The following APC variants were observed in gnomAD, a reference collection of about 807,000 sequenced individuals.
The protein encoded by APC is APC regulator of Wnt signaling pathway, also known as adenomatous polyposis coli protein.
Under a neutral mutation model 247.0 loss-of-function variants are expected in APC, and 72 were observed. The observed-to-expected ratio is 0.29, with a 90% CI of 0.24 to 0.35. APC has a LOEUF of 0.35. Ranked by LOEUF, APC falls within the 10% of genes least tolerant of loss-of-function variation. The pLI is 1.00. For synonymous variants in APC, 1,254 were observed against 1,162.5 expected (o/e 1.08, Z -1.60); for missense variants, 3,400 against 3,360.7 (o/e 1.01, Z -0.29).
chr5:112,818,679 T>C (rs893405613), intron 9 of APC, among the ~76,000 whole-genome samples: 47 of 152,172 alleles, frequency 3.1e-4, no homozygotes, highest in African/African-American at 1.1e-3. Context: ...CAAACAGCAC[T>C]AACAGTTTGT....
rs180882590 is a variant in APC, at chr5:112,805,471, G to A, written c.834+4088G>A. ...ACATAAGTATGTTTGTTTAGCAGTAGCAATCATAGACTTGCCCACCATATT... is the reference window on the plus strand; with the variant it reads ...ACATAAGTATGTTTGTTTAGCAGTAACAATCATAGACTTGCCCACCATATT... On this transcript the variant is annotated intron_variant, in intron 8 of 15. Coordinates refer to ENST00000257430, the MANE Select transcript of APC (RefSeq NM_000038.6). 8.5e-4 allele frequency among the ~76,000 whole-genome samples: 129 copies of A among 152,294 alleles called. No individual in the cohort carries two copies. Among genetic ancestry groups the A allele is most frequent in the Admixed American group, 1.2e-3 (18 of 15,302 alleles).
intron 7 of APC, 82 bp from the exon 8 acceptor site, chr5:112,801,197 A>G: frequency 9.1e-7 from 1 of 1,094,320 alleles, no homozygotes; most frequent in South Asian, 1.3e-5. Flanking sequence ...TCAGAGCTTT[A>G]AAGCAAAAAA....
chr5:112,767,452 T>A (rs1046137198), intron 4 of APC, 62 bp downstream of exon 4: 13 of 1,317,680 alleles, frequency 9.9e-6, no homozygotes, highest in African/African-American at 1.5e-5. Flanking sequence ...TATTTTGTAA[T>A]ATAATATTTA....
chr5:112,829,185 C>T (rs1206900991), intron 14 of APC: 1 of 444,588 alleles, frequency 2.2e-6, no homozygotes. Flanking sequence ...CTCGCCCAGG[C>T]TGGAGTGCAG....
At position 112,828,016 on chromosome 5, in the gene APC, A is replaced by T. The variant is rs2149814245; in HGVS notation, c.1626+10A>T. On this transcript the variant is annotated intron_variant, in intron 13 of 15. Coordinates refer to ENST00000257430, the MANE Select transcript of APC (RefSeq NM_000038.6). The stretch of plus-strand genomic sequence containing the variant: ...TGAAGACTTACAGCAGGTACTATTT[A>T]GAATTTCACCTGTTTTTCTTTTTTC... 1 of 1,609,740 alleles carries T rather than the reference A, an allele frequency of 6.2e-7. No homozygotes were observed. Among genetic ancestry groups the T allele is most frequent in the East Asian group, 2.2e-5 (1 of 44,836 alleles).
In APC at chr5:112,819,163, A is replaced by G. The variant is rs2149781514; in HGVS notation, c.1131A>G (p.Lys377=). 1 of 1,614,070 alleles carries G rather than the reference A, an allele frequency of 6.2e-7. No individual in the cohort carries two copies. The highest frequency in any genetic ancestry group is 8.5e-7 in the Non-Finnish European group (1 of 1,179,994). ...TGTTGGGAAATTCCCGGGGCAGTAA[A>G]GAGGCTCGGGCCAGGGCCAGTGCAG... ...SVLLGNSRGS[K]EARARASAAL... is the part of the protein sequence containing the mutation. The change falls in exon 10 of 16, where the codon AAA becomes AAG. Residue 377 remains lysine (K), a synonymous_variant. Coordinates refer to ENST00000257430, the MANE Select transcript of APC (RefSeq NM_000038.6).
chr5:112,762,138 G>A (rs1269201534), intron 2 of APC, among the ~76,000 whole-genome samples: 3 of 152,172 alleles, frequency 2.0e-5, no homozygotes, highest in Admixed American at 1.3e-4. Flanking sequence ...ATAAGTCCAT[G>A]AAAAGGGATT....
In APC at chr5:112,841,708, G is replaced by C. The variant is rs1580667688; in HGVS notation, c.6114G>C (p.Leu2038=). 6.2e-7 allele frequency: 1 copy of C among 1,613,698 alleles called. No individual in the cohort carries two copies. The highest frequency in any genetic ancestry group is 1.3e-5 in the African/African-American group (1 of 74,906). ...SSLSIDSEDD[L]LQECISSAMP... ...TTAGTATTGACTCTGAAGATGACCT[G>C]TTGCAGGAATGTATAAGCTCCGCAA... Residue 2038 remains leucine (L), a synonymous_variant, in exon 16 of 16, where the codon CTG becomes CTC. Coordinates refer to ENST00000257430, the MANE Select transcript of APC (RefSeq NM_000038.6). The surrounding 1 kb of genome is among the most constrained non-coding windows in gnomAD (Gnocchi z 4.6).
intron 1 of APC, among the ~76,000 whole-genome samples, chr5:112,745,148 A>G (rs1257408880): frequency 2.0e-5 from 3 of 152,202 alleles, no homozygotes; most frequent in African/African-American, 7.2e-5. Context: ...ATAGAACTTT[A>G]TATACTTTTC....
chr5:112,785,895 T>A (rs896057607), intron 6 of APC, among the ~76,000 whole-genome samples: 1 of 152,128 alleles, frequency 6.6e-6, no homozygotes, highest in African/African-American at 2.4e-5. Flanking sequence ...AGGCAAGAGA[T>A]CTTCTTAAAT....
rs2150009281 is a variant in APC, at chr5:112,844,629, A to AAC, written c.*503_*504insAC. The AAC allele has an allele frequency of 8.5e-6, 2 of 234,206 alleles. No homozygotes were observed. Among genetic ancestry groups the AAC allele is most frequent in the African/African-American group, 4.4e-5 (2 of 45,396 alleles). 14.5% of individuals were successfully genotyped at this position (234,206 alleles called of 1,614,324 possible). ...AATATGGTTCCCGATGAACAAGTTT[A>AAC]CCCAGCCTGCTTTGCTTTACTGCAT... On this transcript the variant is annotated 3_prime_UTR_variant, in exon 16 of 16. Coordinates refer to ENST00000257430, the MANE Select transcript of APC (RefSeq NM_000038.6).
intron 1 of APC, 139 bp from the exon 2 acceptor site, chr5:112,754,729 ATTGTT>A (rs1327404263): frequency 5.2e-5 from 36 of 694,036 alleles, no homozygotes; most frequent in Admixed American, 4.5e-4. Context: ...CTTGAACAAT[ATTGTT>A]TTGAGACCAA....
At chr5:112,718,575 C>T (rs1186797186) in intron 1 of APC, among the ~76,000 whole-genome samples, 1 of 152,250 alleles carries the variant, frequency 6.6e-6, no homozygotes, top group Non-Finnish European at 1.5e-5. Context: ...CAACCAAGCT[C>T]AGCCTCTTAA....
chr5:112,727,419 G>C (rs1294355449), intron 1 of APC, among the ~76,000 whole-genome samples: 2 of 152,076 alleles, frequency 1.3e-5, no homozygotes, highest in African/African-American at 4.8e-5. Context: ...TAAGAATTTG[G>C]TAATATTGGT....
intron 7 of APC, among the ~76,000 whole-genome samples, chr5:112,799,625 T>C (rs1307638811): frequency 6.6e-6 from 1 of 152,200 alleles, no homozygotes; most frequent in Non-Finnish European, 1.5e-5. Flanking sequence ...ATTAATATAT[T>C]AGTATTAATT....
At chr5:112,836,164 G>T (rs1330519720) in intron 15 of APC, among the ~76,000 whole-genome samples, 3 of 28,414 alleles carry the variant, frequency 1.1e-4, no homozygotes, top group East Asian at 3.3e-3. Context: ...GGGATTACAG[G>T]TCCCCCCCCC....
chr5:112,797,282 G>T (rs545926924), intron 7 of APC, among the ~76,000 whole-genome samples: 1 of 152,134 alleles, frequency 6.6e-6, no homozygotes, highest in Non-Finnish European at 1.5e-5. Flanking sequence ...GCCGTTTGTG[G>T]TTTGTTTATT....
intron 1 of APC, among the ~76,000 whole-genome samples, chr5:112,744,231 G>C (rs2149701984): frequency 1.3e-5 from 2 of 152,156 alleles, no homozygotes; most frequent in Non-Finnish European, 2.9e-5. Context: ...CCTAAATATG[G>C]TACCTTGTGG....
chr5:112,820,415 T>C (rs1762998666), intron 10 of APC, among the ~76,000 whole-genome samples: 1 of 152,132 alleles, frequency 6.6e-6, no homozygotes, highest in Non-Finnish European at 1.5e-5. Context: ...TTTGGGAGGC[T>C]GAGACAGGAG....
Sources: allele counts gnomAD v4.1 joint callset (sites outside exome capture counted in the v4.1 genomes callset), GRCh38; gene constraint gnomAD v4.1.1; non-coding constraint Gnocchi (gnomAD v3.1); transcripts MANE v1.5; gene names NCBI Gene and HGNC (gene_info 2026-07-23, HGNC 2026-07-21).